The following OTOG variants were observed in gnomAD, a reference collection of about 807,000 sequenced individuals.
OTOG encodes the protein otogelin.
OTOG carries 296 observed loss-of-function variants against 313.8 expected under a neutral mutation model. The ratio of observed to expected loss-of-function variants is 0.94; its 90% CI spans 0.86 to 1.04. OTOG has a LOEUF of 1.04. OTOG is among the 50% of genes least tolerant of loss of function. The pLI, the probability that OTOG is intolerant of heterozygous loss-of-function variation, is 0.00. For synonymous variants in OTOG, 1,533 were observed against 1,554.9 expected (o/e 0.99, Z 0.33); for missense variants, 3,948 against 3,840.1 (o/e 1.03, Z -0.74).
At chr11:17,584,910 A>T (rs971496132) in intron 23 of OTOG, among the ~76,000 whole-genome samples, 13 of 152,222 alleles carry the variant, frequency 8.5e-5, no homozygotes, top group Non-Finnish European at 7.3e-5. Context: ...GTTGATTTTT[A>T]AAATCTTAAA....
Position 17,568,061 on chromosome 11 carries a change from C to G in OTOG, c.1645-1095C>G, listed in dbSNP as rs570419429. On this transcript the variant is annotated intron_variant, in intron 15 of 55. Coordinates refer to ENST00000399397, the MANE Select transcript of OTOG (RefSeq NM_001292063.2). ...TAACTGGGACTACAGGCACCCGCCA[C>G]CATGCCTGGCTAATTTTTTGTATTT... 1.1e-4 allele frequency among the ~76,000 whole-genome samples: 17 copies of G among 152,206 alleles called. No homozygotes were observed. In the South Asian group the frequency reaches 3.5e-3, roughly 32 times the overall value.
At position 17,629,581 on chromosome 11, in the gene OTOG, G is replaced by A. The variant is rs556536755; in HGVS notation, c.6712+265G>A. ...GCTTCCCTGACAGCCTTCTAATGTC[G>A]GATAATCCTTTCCATCTGCATGAGC... is the stretch of plus-strand genomic sequence containing the variant. On this transcript the variant is annotated intron_variant, in intron 40 of 55. Transcript: ENST00000399397. Among the ~76,000 whole-genome samples the A allele has an allele frequency of 1.1e-3, 170 of 152,228 alleles. 1 individual carries two copies. Among genetic ancestry groups the A allele is most frequent in the African/African-American group, 3.6e-3 (151 of 41,528 alleles).
chr11:17,645,479 C>A, intron 54 of OTOG, 85 bp from the exon 55 acceptor site: 2 of 1,272,008 alleles, frequency 1.6e-6, no homozygotes, highest in Non-Finnish European at 2.2e-6. Context: ...TCCAGCATGA[C>A]ACTAACTGCC....
In OTOG at chr11:17,631,834, G is replaced by C; in HGVS notation, c.6845G>C (p.Arg2282Pro). 1 of 1,550,596 alleles carries C rather than the reference G, an allele frequency of 6.4e-7. No individual in the cohort carries two copies. The highest frequency in any genetic ancestry group is 8.7e-7 in the Non-Finnish European group (1 of 1,146,996). Residue 2282 changes from arginine to proline, a missense_variant, in exon 41 of 56, where the codon CGC (arginine) becomes CCC (proline). Physicochemically the swap from Arg to Pro is moderately radical, Grantham distance 103. Transcript: ENST00000399397. ...TCCCTGACCTCAGTGGGCCAGACCC[G>C]CTTCCGCCCAGACAGCTGCGCCACA... is the stretch of plus-strand genomic sequence containing the variant. ...PSSLTSVGQT[R>P]FRPDSCATTD...
In OTOG at chr11:17,624,769, T is replaced by C. The variant is rs1191448553; in HGVS notation, c.6529-4364T>C. 2.0e-5 allele frequency among the ~76,000 whole-genome samples: 3 copies of C among 152,220 alleles called. No individual in the cohort carries two copies. The East Asian group carries it at 5.8e-4, about 29-fold the overall frequency. ...GGCAGTATGGCCATTTTAACAATAT[T>C]GATTCTCCCTATCAATGAGCATGGA... On this transcript the variant is annotated intron_variant, in intron 39 of 55. Transcript: ENST00000399397.
intron 24 of OTOG, among the ~76,000 whole-genome samples, chr11:17,590,963 C>T (rs1852917123): frequency 6.6e-6 from 1 of 152,238 alleles, no homozygotes; most frequent in South Asian, 2.1e-4. Context: ...CCCCATAACA[C>T]TCATTGCCTT....
In OTOG at chr11:17,570,247, C is replaced by T; in HGVS notation, c.1812C>T (p.Phe604=). The change falls in exon 17 of 56, where the codon TTC becomes TTT. Residue 604 remains phenylalanine (F), a synonymous_variant. Transcript: ENST00000399397. ...AFEIRRLSSV[F]LRVRTNVGVR... Reference sequence around the variant, plus strand: ...AGATCCGTAGGCTGTCCTCCGTGTTCCTGCGGGTGAGGACGAACGTGGGCG... The same window carrying T: ...AGATCCGTAGGCTGTCCTCCGTGTTTCTGCGGGTGAGGACGAACGTGGGCG... 2 of 1,550,844 alleles carry T rather than the reference C, an allele frequency of 1.3e-6. No individual in the cohort carries two copies. Among genetic ancestry groups the T allele is most frequent in the Non-Finnish European group, 1.7e-6 (2 of 1,147,040 alleles).
chr11:17,577,001 C>A, intron 22 of OTOG, 90 bp downstream of exon 22: 2 of 1,336,488 alleles, frequency 1.5e-6, no homozygotes, highest in South Asian at 1.4e-5. Context: ...CTGTGGCAAG[C>A]CCACTCCAGG....
chr11:17,645,653 G>A lies in OTOG; in HGVS notation c.8541+10G>A. The A allele has an allele frequency of 1.3e-6, 2 of 1,550,696 alleles. No individual in the cohort carries two copies. Among genetic ancestry groups the A allele is most frequent in the South Asian group, 1.2e-5 (1 of 84,060 alleles). On this transcript the variant is annotated intron_variant, in intron 55 of 55. Transcript: ENST00000399397. ...CAGGAGCAGCACCCCTGTGCGTGGT[G>A]CCCACAAGGCAGTGGGGCAGCAAAA...
At chr11:17,623,106 T>C (rs1853904115) in intron 39 of OTOG, among the ~76,000 whole-genome samples, 1 of 152,196 alleles carries the variant, frequency 6.6e-6, no homozygotes, top group Non-Finnish European at 1.5e-5. Context: ...GTAAGAACAT[T>C]TTCATATGCC....
At chr11:17,593,883 C>A in intron 27 of OTOG, 127 bp downstream of exon 27, 1 of 1,394,488 alleles carries the variant, frequency 7.2e-7, no homozygotes, top group Non-Finnish European at 9.7e-7. Context: ...CTCCGCCCTG[C>A]TCTGGGCCCC....
At chr11:17,613,199 C>CT (rs796693098) in intron 38 of OTOG, among the ~76,000 whole-genome samples, 62 of 57,244 alleles carry the variant, frequency 1.1e-3, no homozygotes, top group African/African-American at 4.0e-3. Flanking sequence ...TCTTTCTTTT[C>CT]TTTCTTTCTT....
In OTOG at chr11:17,594,149, A is replaced by T; in HGVS notation, c.3391A>T (p.Ser1131Cys). Residue 1131 changes from serine to cysteine, a missense_variant, in exon 28 of 56, where the codon AGT becomes TGT. Transcript: ENST00000399397. ...AACTAACCCCCAGGAGTTTGGCAGC[A>T]GTTGGGCTGCAGTTGAGGTAAAGCC... ...ELTNPQEFGS[S>C]WAAVECPDTL... The T allele has an allele frequency of 6.4e-7, 1 of 1,550,600 alleles. No homozygotes were observed. Among genetic ancestry groups the T allele is most frequent in the Non-Finnish European group, 8.7e-7 (1 of 1,146,998 alleles).
chr11:17,563,853 G>GTTTTTTTTTTTTT (rs1565094488), intron 15 of OTOG, among the ~76,000 whole-genome samples: 2 of 133,406 alleles, frequency 1.5e-5, no homozygotes, highest in African/African-American at 6.3e-5. Flanking sequence ...GCTAGTTTTT[G>GTTTTTTTTTTTTT]GTTTTTTTTT....
intron 30 of OTOG, among the ~76,000 whole-genome samples, chr11:17,597,738 A>C (rs1196283930): frequency 6.6e-6 from 1 of 152,230 alleles, no homozygotes; most frequent in Non-Finnish European, 1.5e-5. Flanking sequence ...TTTTTTATTT[A>C]TTCCCACGCA....
In OTOG at chr11:17,569,304, G is replaced by A; in HGVS notation, c.1777+16G>A. ...TACACAGATGGTACGGTTTGGGGTG[G>A]ACAACAGACCTAGTTGGGAACTGAG... On this transcript the variant is annotated intron_variant, in intron 16 of 55. Coordinates refer to ENST00000399397, the MANE Select transcript of OTOG (RefSeq NM_001292063.2). 6.4e-7 allele frequency: 1 copy of A among 1,550,394 alleles called. No homozygotes were observed. The highest frequency in any genetic ancestry group is 8.7e-7 in the Non-Finnish European group (1 of 1,146,888).
intron 51 of OTOG, 51 bp from the exon 52 acceptor site, chr11:17,641,796 C>A: frequency 7.4e-7 from 1 of 1,345,334 alleles, no homozygotes; most frequent in Non-Finnish European, 1.0e-6. Flanking sequence ...AGTGGGAGAG[C>A]CAGGGTGGAG....
chr11:17,601,347 C>T (rs1031181993), intron 31 of OTOG, among the ~76,000 whole-genome samples: 1 of 152,016 alleles, frequency 6.6e-6, no homozygotes, highest in African/African-American at 2.4e-5. Context: ...GTTGAGTAGG[C>T]GTTTGTCAGG....
intron 47 of OTOG, 43 bp downstream of exon 47, chr11:17,635,754 G>A: frequency 4.0e-6 from 6 of 1,484,442 alleles, no homozygotes; most frequent in Non-Finnish European, 5.5e-6. Flanking sequence ...GCAGGAAGGG[G>A]CCCTTCACAG....
Sources: allele counts gnomAD v4.1 joint callset (sites outside exome capture counted in the v4.1 genomes callset), GRCh38; gene constraint gnomAD v4.1.1; transcripts MANE v1.5; gene names NCBI Gene and HGNC (gene_info 2026-07-23, HGNC 2026-07-21).